Variants in NCOA2 observed in about 807,000 individuals in gnomAD.
The protein encoded by NCOA2 is nuclear receptor coactivator 2, also known as class E basic helix-loop-helix protein 75.
A neutral mutation model predicts 145.1 loss-of-function variants in NCOA2; 21 were observed. The observed-to-expected ratio is 0.14, with a 90% CI of 0.10 to 0.21. NCOA2 has a LOEUF of 0.21. Ranked by LOEUF, NCOA2 falls within the 10% of genes least tolerant of loss-of-function variation. NCOA2 has a pLI of 1.00. For synonymous variants in NCOA2, 619 were observed against 637.5 expected, an observed-to-expected ratio of 0.97 and a Z score of 0.44; for missense variants, 1,472 against 1,837.6, an observed-to-expected ratio of 0.80 and a Z score of 3.64.
At chr8:70,143,613 C>T (rs988008116) in intron 13 of NCOA2, among the ~76,000 whole-genome samples, 1 of 152,144 alleles carries the variant, frequency 6.6e-6, no homozygotes, top group African/African-American at 2.4e-5. Context: ...TAATACAGCA[C>T]AGTTCACAGT....
At chr8:70,276,194 GA>G (rs1825451246) in intron 2 of NCOA2, among the ~76,000 whole-genome samples, 1 of 151,874 alleles carries the variant, frequency 6.6e-6, no homozygotes, top group Non-Finnish European at 1.5e-5. Context: ...AATGAAAAGA[GA>G]AAAAGAAATT....
At chr8:70,227,887 G>C (rs138706130) in intron 2 of NCOA2, among the ~76,000 whole-genome samples, 1 of 151,146 alleles carries the variant, frequency 6.6e-6, no homozygotes, top group African/African-American at 2.4e-5. Flanking sequence ...ATGATTGCAC[G>C]CACTTGTAAT....
intron 2 of NCOA2, chr8:70,245,288 A>AGCT (rs1245169685): frequency 6.6e-6 from 1 of 152,028 alleles, no homozygotes. Context: ...ATCCTTTTTT[A>AGCT]GCTGCTGATC....
chr8:70,159,222 T>TATATATATATATGTATG lies in NCOA2; in HGVS notation c.1124+282_1124+283insCATACATATATATATAT, dbSNP rs1812619153. Among the ~76,000 whole-genome samples the TATATATATATATGTATG allele has an allele frequency of 2.2e-3, 99 of 44,486 alleles. 1 individual carries two copies. Among genetic ancestry groups the TATATATATATATGTATG allele is most frequent in the African/African-American group, 5.7e-3 (86 of 14,966 alleles). 29.2% of individuals were successfully genotyped at this position (44,486 alleles called of 152,430 possible). ...ATAATACAAATAATACAGTATAACA[T>TATATATATATATGTATG]TATATATATATATATATATATTTTT... On this transcript the variant is annotated intron_variant, in intron 10 of 22. Transcript: ENST00000452400.
intron 2 of NCOA2, among the ~76,000 whole-genome samples, chr8:70,228,091 TAGAA>T (rs1820820013): frequency 6.6e-6 from 1 of 151,940 alleles, no homozygotes; most frequent in African/African-American, 2.4e-5. Flanking sequence ...TACTAGAACT[TAGAA>T]AGTCTTTTTT....
chr8:70,378,569 A>C (rs1811891266), intron 1 of NCOA2, among the ~76,000 whole-genome samples: 1 of 152,040 alleles, frequency 6.6e-6, no homozygotes, highest in South Asian at 2.1e-4. Context: ...TAGCAACTCC[A>C]AATATAGTTT....
chr8:70,132,781 G>C (rs952851719), intron 15 of NCOA2, among the ~76,000 whole-genome samples: 10 of 152,082 alleles, frequency 6.6e-5, no homozygotes, highest in Non-Finnish European at 1.5e-5. Flanking sequence ...ACCCACACTG[G>C]TCTTGAACTC....
chr8:70,308,398 G>A (rs1206694799), intron 1 of NCOA2, among the ~76,000 whole-genome samples: 1 of 152,044 alleles, frequency 6.6e-6, no homozygotes, highest in South Asian at 2.1e-4. Flanking sequence ...CATAATCTGG[G>A]TACTACTGGC....
chr8:70,363,711 C>A (rs1810422214), intron 1 of NCOA2, among the ~76,000 whole-genome samples: 1 of 152,066 alleles, frequency 6.6e-6, no homozygotes, highest in African/African-American at 2.4e-5. Flanking sequence ...AAGAGAAAAA[C>A]AGATCAGTGG....
chr8:70,259,057 A>G (rs1410329038), intron 2 of NCOA2, among the ~76,000 whole-genome samples: 2 of 152,186 alleles, frequency 1.3e-5, no homozygotes, highest in African/African-American at 2.4e-5. Flanking sequence ...ATTTTTATGC[A>G]GACAGATCAC....
chr8:70,225,736 A>G (rs1040096269), intron 2 of NCOA2, among the ~76,000 whole-genome samples: 9 of 152,168 alleles, frequency 5.9e-5, no homozygotes, highest in East Asian at 1.9e-4. Flanking sequence ...GATTCATAAT[A>G]TAATTTCTTT....
At chr8:70,235,249 A>C in intron 2 of NCOA2, among the ~76,000 whole-genome samples, 1 of 152,164 alleles carries the variant, frequency 6.6e-6, no homozygotes, top group East Asian at 1.9e-4. Flanking sequence ...GGTCAAATTT[A>C]TGAGACAGAA....
Position 70,156,986 on chromosome 8 carries a change from C to A in NCOA2, c.1379G>T (p.Gly460Val), listed in dbSNP as rs1357918355. The stretch of plus-strand genomic sequence containing the variant: ...GTTCATTTTGAGTGCATAGTTACTA[C>A]CCTGAGGAGTGGTTGCTTGCATGCC... ...VSGMQATTPQ[G>V]SNYALKMNSP... The change falls in exon 11 of 23, where the codon GGT (glycine) becomes GTT (valine). Residue 460 changes from glycine (G) to valine (V), a missense_variant. Coordinates refer to ENST00000452400, the MANE Select transcript of NCOA2 (RefSeq NM_006540.4). 5 of 1,613,948 alleles carry A rather than the reference C, an allele frequency of 3.1e-6. No homozygotes were observed. The highest frequency in any genetic ancestry group is 1.3e-5 in the African/African-American group (1 of 74,950).
chr8:70,190,516 C>A (rs57994514), intron 4 of NCOA2, among the ~76,000 whole-genome samples: 41,348 of 152,062 alleles, frequency 0.27, 8,525 homozygotes, highest in African/African-American at 0.58. Context: ...GAAAGTACCT[C>A]AGGGGCTCTT....
chr8:70,151,409 T>C (rs998525588), intron 11 of NCOA2, among the ~76,000 whole-genome samples: 2 of 151,970 alleles, frequency 1.3e-5, no homozygotes, highest in Admixed American at 1.3e-4. Flanking sequence ...TGCCTCAGCC[T>C]CCCCAACAGC....
rs750987130 is a variant in NCOA2, at chr8:70,124,751, T to C, written c.4031A>G (p.Asn1344Ser). The change falls in exon 20 of 23, where the codon AAC (asparagine) becomes AGC (serine). Residue 1344 changes from asparagine (N) to serine (S), a missense_variant. Around this residue, in one of 4 missense-constraint regions of NCOA2, gnomAD observed 232 missense variants for 290.6 expected, o/e 0.80. Coordinates refer to ENST00000452400, the MANE Select transcript of NCOA2 (RefSeq NM_006540.4). ...GTCGGAGGGGGCCTGATAGGCTGGG[T>C]TGGCCTGAGACTGTTGCATCATGGG... ...QSPMMQQSQA[N>S]PAYQAPSDIN... The C allele has an allele frequency of 5.0e-6, 8 of 1,613,210 alleles. No homozygotes were observed. The African/African-American group carries it at 6.7e-5, about 13-fold the overall frequency.
intron 18 of NCOA2, 122 bp downstream of exon 18, chr8:70,128,311 G>T (rs1006130838): frequency 2.6e-6 from 2 of 782,186 alleles, no homozygotes; most frequent in African/African-American, 1.7e-5. Context: ...CTAGATGACA[G>T]TACAGGGCTA....
Position 70,197,204 on chromosome 8 carries a change from C to T in NCOA2, c.259+16699G>A, listed in dbSNP as rs578195014. On this transcript the variant is annotated intron_variant, in intron 4 of 22. Coordinates refer to ENST00000452400, the MANE Select transcript of NCOA2 (RefSeq NM_006540.4). ...CATATGGTGAACTTCAATATACTCCCGGAGATCAAAAAACGTTTTACTTCC... is the reference window on the plus strand; with the variant it reads ...CATATGGTGAACTTCAATATACTCCTGGAGATCAAAAAACGTTTTACTTCC... Among the ~76,000 whole-genome samples the T allele has an allele frequency of 2.0e-4, 30 of 152,236 alleles. No homozygotes were observed. In the South Asian group the frequency reaches 4.8e-3, roughly 24 times the overall value.
chr8:70,339,816 C>T (rs1255586763), intron 1 of NCOA2, among the ~76,000 whole-genome samples: 1 of 152,080 alleles, frequency 6.6e-6, no homozygotes, highest in Admixed American at 6.6e-5. Context: ...CTTCAACAAA[C>T]CTGACAAAAA....
Sources: gnomAD v4.1 joint callset for allele counts (sites outside exome capture counted in the v4.1 genomes callset) on GRCh38, gnomAD v4.1.1 for gene constraint, gnomAD v4.1.1 regional missense constraint, MANE v1.5 for transcripts, NCBI Gene and HGNC (gene_info 2026-07-23, HGNC 2026-07-21) for gene names.